Variants in PGM1 observed in about 807,000 individuals in gnomAD.
PGM1 encodes phosphoglucomutase 1, also known as phosphoglucomutase-1.
In PGM1, 52 loss-of-function variants were observed where a neutral mutation model predicts 55.6. The observed-to-expected ratio is 0.94, with a 90% CI of 0.75 to 1.18. The LOEUF is 1.18. Among genes scored for constraint, PGM1 ranks in the 50% most tolerant of loss-of-function variants. PGM1 has a pLI of 0.00. For missense variants in PGM1, 724 were observed against 729.3 expected, an observed-to-expected ratio of 0.99 and a Z score of 0.08; for synonymous variants, 287 against 271.7, an observed-to-expected ratio of 1.06 and a Z score of -0.55.
In PGM1 at chr1:63,647,503, TTATA is replaced by T. The variant is rs776449740; in HGVS notation, c.1145-1007_1145-1004del. Among the ~76,000 whole-genome samples the T allele has an allele frequency of 4.0e-5, 6 of 149,044 alleles. 1 individual carries two copies. The highest frequency in any genetic ancestry group is 2.0e-4 in the East Asian group (1 of 5,118). On this transcript the variant is annotated intron_variant, in intron 7 of 10. Transcript: ENST00000371084. ...TTACATTATTTATCACCCCTAAGAT[TTATA>T]TATATAAATATATAAAAAGACATGT...
At chr1:63,637,964 A>G (rs921074344) in intron 6 of PGM1, among the ~76,000 whole-genome samples, 1 of 152,038 alleles carries the variant, frequency 6.6e-6, no homozygotes, top group African/African-American at 2.4e-5. Context: ...CAAACAGTGA[A>G]TGGAACTTAT....
rs758737945 is a variant in PGM1 at position 63,593,728 on chromosome 1, C to T, written c.240C>T (p.Ala80=). 1.3e-6 allele frequency: 2 copies of T among 1,595,588 alleles called. No homozygotes were observed. The highest frequency in any genetic ancestry group is 2.2e-5 in the South Asian group (2 of 89,170). Reference sequence around the variant, plus strand: ...AGCTCATCGCTCGCATCGCTGCCGCCAACGGGGTAAGGGATGCGCGGCCCC... The same window carrying T: ...AGCTCATCGCTCGCATCGCTGCCGCTAACGGGGTAAGGGATGCGCGGCCCC... ...AIQLIARIAA[A]NGIGRLVIGQ... The change falls in exon 1 of 11, where the codon GCC becomes GCT. Residue 80 remains alanine, a synonymous_variant. Coordinates refer to ENST00000371084, the MANE Select transcript of PGM1 (RefSeq NM_002633.3).
chr1:63,646,498 A>C (rs12122838), intron 7 of PGM1, among the ~76,000 whole-genome samples: 29,249 of 152,006 alleles, frequency 0.19, 3,274 homozygotes, highest in Admixed American at 0.33. Context: ...AGACATCATT[A>C]AGGTTTGTTT....
intron 4 of PGM1, among the ~76,000 whole-genome samples, chr1:63,634,552 G>A (rs79639356): frequency 0.01 from 1,541 of 152,208 alleles, 18 homozygotes; most frequent in East Asian, 0.055. Context: ...ATACCGCAGG[G>A]CCTTTATAAT....
chr1:63,658,224 C>G (rs568980931), intron 10 of PGM1, among the ~76,000 whole-genome samples: 4 of 152,256 alleles, frequency 2.6e-5, no homozygotes, highest in Admixed American at 2.0e-4. Flanking sequence ...GAAAAAGTAG[C>G]ATTCAGCAGT....
In PGM1 at chr1:63,654,516, A is replaced by G. The variant is rs762560779; in HGVS notation, c.1599+50A>G. The G allele has an allele frequency of 6.9e-6, 11 of 1,589,612 alleles. No individual in the cohort carries two copies. In the South Asian group the frequency reaches 7.8e-5, roughly 11 times the overall value. ...TTAGTTCTTTCTGTTCAAGGGAATG[A>G]TAGTTTCCCATTGAGCCTGTGTTTC... On this transcript the variant is annotated intron_variant, in intron 10 of 10. Coordinates refer to ENST00000371084, the MANE Select transcript of PGM1 (RefSeq NM_002633.3).
At chr1:63,656,620 A>G (rs1036181950) in intron 10 of PGM1, among the ~76,000 whole-genome samples, 4 of 151,330 alleles carry the variant, frequency 2.6e-5, no homozygotes, top group African/African-American at 9.7e-5. Context: ...ACCACAATGG[A>G]AAATTATTCT....
intron 7 of PGM1, among the ~76,000 whole-genome samples, chr1:63,647,001 G>A (rs1449272440): frequency 6.6e-6 from 1 of 151,872 alleles, no homozygotes; most frequent in Non-Finnish European, 1.5e-5. Flanking sequence ...CTAGCACTTT[G>A]GGAGGCCGAG....
intron 1 of PGM1, among the ~76,000 whole-genome samples, chr1:63,601,316 G>A (rs933662038): frequency 6.6e-6 from 1 of 152,214 alleles, no homozygotes; most frequent in Non-Finnish European, 1.5e-5. Context: ...TAAGACAGAT[G>A]AAGGAGTTTA....
chr1:63,648,303 A>G (rs531293993), intron 7 of PGM1, among the ~76,000 whole-genome samples: 1 of 152,228 alleles, frequency 6.6e-6, no homozygotes, highest in South Asian at 2.1e-4. Context: ...GGGAAGTGCT[A>G]TATACTTTTA....
chr1:63,615,955 G>A (rs148190719), intron 1 of PGM1, among the ~76,000 whole-genome samples: 2 of 152,232 alleles, frequency 1.3e-5, no homozygotes, highest in East Asian at 3.9e-4. Context: ...GCAGAGGTGA[G>A]TGAAGCACTG....
intron 7 of PGM1, among the ~76,000 whole-genome samples, chr1:63,646,375 C>G (rs1649645521): frequency 6.6e-6 from 1 of 152,094 alleles, no homozygotes; most frequent in African/African-American, 2.4e-5. Context: ...CCATATCAGG[C>G]TCTTGGAAAA....
At chr1:63,650,710 A>G (rs1424110816) in intron 8 of PGM1, among the ~76,000 whole-genome samples, 1 of 152,202 alleles carries the variant, frequency 6.6e-6, no homozygotes, top group African/African-American at 2.4e-5. Context: ...CACCTGTACA[A>G]GTCTTTAACA....
chr1:63,639,960 G>A (rs1649472415), intron 7 of PGM1, among the ~76,000 whole-genome samples: 1 of 152,188 alleles, frequency 6.6e-6, no homozygotes, highest in Non-Finnish European at 1.5e-5. Context: ...ATGAGTCTTG[G>A]GGTTGAACAA....
At chr1:63,626,771 A>G (rs1649028839) in intron 1 of PGM1, among the ~76,000 whole-genome samples, 1 of 152,170 alleles carries the variant, frequency 6.6e-6, no homozygotes. Flanking sequence ...TTTTAGGTGT[A>G]TGGTTCAGTG....
At chr1:63,633,926 ATATATATTTTTTT>A (rs1649281469) in intron 4 of PGM1, among the ~76,000 whole-genome samples, 35 of 64,804 alleles carry the variant, frequency 5.4e-4, no homozygotes, top group African/African-American at 3.3e-3. Context: ...GTGTATATAT[ATATATATTTTTTT>A]TTTTTTTTTT....
At chr1:63,607,995 C>T (rs1429787425) in intron 1 of PGM1, among the ~76,000 whole-genome samples, 1 of 152,230 alleles carries the variant, frequency 6.6e-6, no homozygotes, top group East Asian at 1.9e-4. Flanking sequence ...TTTGTCATGA[C>T]TGAGGACTTT....
chr1:63,635,169 C>A (rs2100987848), intron 5 of PGM1, 150 bp downstream of exon 5: 3 of 683,938 alleles, frequency 4.4e-6, no homozygotes, highest in East Asian at 5.3e-5. Flanking sequence ...TTATTAGAAG[C>A]CCCTCTTGAA....
chr1:63,630,249 G>T (rs374462475), intron 3 of PGM1, among the ~76,000 whole-genome samples, 161 bp downstream of exon 3: 1 of 152,132 alleles, frequency 6.6e-6, no homozygotes, highest in South Asian at 2.1e-4. Context: ...AATTAGGTTT[G>T]GGAGACCAGA....
Sources: gnomAD v4.1 joint callset for allele counts (sites outside exome capture counted in the v4.1 genomes callset) on GRCh38, gnomAD v4.1.1 for gene constraint, MANE v1.5 for transcripts, NCBI Gene and HGNC (gene_info 2026-07-23, HGNC 2026-07-21) for gene names.